The following EYS variants were observed in gnomAD, a reference collection of about 807,000 sequenced individuals.
The protein encoded by EYS is EGF-like photoreceptor maintenance factor.
Under a neutral mutation model 282.1 loss-of-function variants are expected in EYS, and 250 were observed. The ratio of observed to expected loss-of-function variants is 0.89; its 90% CI spans 0.80 to 0.98. The LOEUF (loss-of-function observed/expected upper bound fraction) is 0.98, where lower values mean the gene tolerates loss of function less well. Among genes scored for constraint, EYS ranks in the 50% least tolerant of loss-of-function variants. The probability of loss-of-function intolerance (pLI) is 0.00; values close to 1 mark genes in which losing one functional copy is unlikely to be tolerated. For synonymous variants in EYS, 1,355 were observed against 1,282.9 expected, an observed-to-expected ratio of 1.06 and a Z score of -1.20; for missense variants, 4,016 against 3,709.0, an observed-to-expected ratio of 1.08 and a Z score of -2.15.
intron 12 of EYS, among the ~76,000 whole-genome samples, chr6:65,255,182 T>C (rs1356270795): frequency 6.6e-6 from 1 of 151,774 alleles, no homozygotes; most frequent in Non-Finnish European, 1.5e-5. Flanking sequence ...AAAACAAACA[T>C]AGACCAATGG....
At chr6:65,624,184 T>C (rs1283380282) in intron 2 of EYS, among the ~76,000 whole-genome samples, 4 of 152,222 alleles carry the variant, frequency 2.6e-5, no homozygotes, top group Non-Finnish European at 2.9e-5. Context: ...CTCAAACTTA[T>C]ACAAAAGCAA....
intron 31 of EYS, among the ~76,000 whole-genome samples, chr6:64,183,897 A>G (rs557039895): frequency 6.6e-6 from 1 of 152,046 alleles, no homozygotes; most frequent in East Asian, 1.9e-4. Context: ...ATGAGAAAAC[A>G]CTTCTTTTCT....
At chr6:65,150,504 C>A (rs1180102375) in intron 12 of EYS, among the ~76,000 whole-genome samples, 1 of 151,842 alleles carries the variant, frequency 6.6e-6, no homozygotes, top group Non-Finnish European at 1.5e-5. Flanking sequence ...ATATTAACCC[C>A]AGAATACCAG....
chr6:65,345,577 T>C (rs1227749895), intron 9 of EYS, among the ~76,000 whole-genome samples: 1 of 151,804 alleles, frequency 6.6e-6, no homozygotes, highest in Non-Finnish European at 1.5e-5. Context: ...TATTTAGAAT[T>C]GAAATTTATG....
At chr6:63,763,310 G>A (rs577185674) in intron 40 of EYS, among the ~76,000 whole-genome samples, 5 of 152,130 alleles carry the variant, frequency 3.3e-5, no homozygotes, top group Admixed American at 6.6e-5. Context: ...GATATTGGGA[G>A]GAGCCCAGCA....
intron 12 of EYS, among the ~76,000 whole-genome samples, chr6:65,294,182 G>A (rs1242770427): frequency 3.3e-5 from 5 of 151,680 alleles, no homozygotes; most frequent in African/African-American, 1.2e-4. Context: ...GAGAAAGAGG[G>A]GCATCTACTT....
At chr6:63,896,920 A>G (rs1227200014) in intron 35 of EYS, among the ~76,000 whole-genome samples, 4 of 152,128 alleles carry the variant, frequency 2.6e-5, no homozygotes, top group Admixed American at 2.6e-4. Context: ...ATCTGGATGT[A>G]CCACAGTTTA....
At chr6:65,066,956 A>G (rs1348780701) in intron 12 of EYS, among the ~76,000 whole-genome samples, 1 of 152,178 alleles carries the variant, frequency 6.6e-6, no homozygotes, top group African/African-American at 2.4e-5. Context: ...TCCTGAAACG[A>G]CAGAGGAGAG....
intron 33 of EYS, among the ~76,000 whole-genome samples, chr6:64,016,970 C>T (rs565866053): frequency 2.0e-5 from 3 of 152,126 alleles, no homozygotes; most frequent in Admixed American, 6.5e-5. Context: ...TCCCTTCTTC[C>T]TGTCTCCTTT....
chr6:65,027,022 G>GT (rs74497929), intron 13 of EYS, among the ~76,000 whole-genome samples: 1,808 of 135,550 alleles, frequency 0.013, 12 homozygotes, highest in South Asian at 0.034. Flanking sequence ...TGTAATGTGT[G>GT]TTTTTTTTTT....
rs188116609 is a variant in EYS, at chr6:65,360,310, C to T, written c.1300-6693G>A. On this transcript the variant is annotated intron_variant, in intron 8 of 42. Coordinates refer to ENST00000503581, the MANE Select transcript of EYS (RefSeq NM_001142800.2). The stretch of plus-strand genomic sequence containing the variant: ...CATAAATTAATGTTCAATTTCCACT[C>T]ATAGTCAAAACCTTCTATGGAAAAT... Among the ~76,000 whole-genome samples, 225 of 151,968 alleles carry T rather than the reference C, an allele frequency of 1.5e-3. 1 individual carries two copies. The highest frequency in any genetic ancestry group is 5.2e-3 in the African/African-American group (214 of 41,504).
At chr6:64,377,587 G>C (rs1244099904) in intron 29 of EYS, among the ~76,000 whole-genome samples, 1 of 152,092 alleles carries the variant, frequency 6.6e-6, no homozygotes, top group Non-Finnish European at 1.5e-5. Flanking sequence ...CATTGAGATA[G>C]TAAATGTGAA....
chr6:65,161,307 C>T (rs900857234), intron 12 of EYS, among the ~76,000 whole-genome samples: 7 of 150,992 alleles, frequency 4.6e-5, no homozygotes, highest in African/African-American at 1.7e-4. Context: ...TAAAATTCAG[C>T]TCAAATGTCA....
intron 28 of EYS, among the ~76,000 whole-genome samples, chr6:64,430,796 A>G (rs1360351561): frequency 2.0e-5 from 3 of 152,180 alleles, no homozygotes; most frequent in African/African-American, 7.2e-5. Flanking sequence ...TGCCACTTCT[A>G]GTCCTGCCCC....
intron 14 of EYS, among the ~76,000 whole-genome samples, chr6:64,958,112 A>G (rs934683333): frequency 6.6e-6 from 1 of 152,028 alleles, no homozygotes; most frequent in African/African-American, 2.4e-5. Context: ...TATCACACAT[A>G]AAATATATTT....
At chr6:65,141,649 GTCTA>G (rs66790325) in intron 12 of EYS, among the ~76,000 whole-genome samples, 46,793 of 130,812 alleles carry the variant, frequency 0.36, 8,159 homozygotes, top group South Asian at 0.49. Context: ...CTGTCTGTCT[GTCTA>G]TCTATCTATC....
At chr6:65,172,258 T>G (rs1182083929) in intron 12 of EYS, among the ~76,000 whole-genome samples, 1 of 151,526 alleles carries the variant, frequency 6.6e-6, no homozygotes, top group Non-Finnish European at 1.5e-5. Flanking sequence ...AGAAAATCTT[T>G]GTCTAGCCTT....
chr6:64,398,007 A>G (rs1000622180), intron 28 of EYS, among the ~76,000 whole-genome samples: 21 of 139,224 alleles, frequency 1.5e-4, no homozygotes, highest in African/African-American at 5.3e-4. Context: ...TCACAAATAC[A>G]CAGGTATTTT....
chr6:64,019,574 C>G (rs1464860405), intron 33 of EYS, among the ~76,000 whole-genome samples: 1 of 151,764 alleles, frequency 6.6e-6, no homozygotes, highest in Non-Finnish European at 1.5e-5. Context: ...CCACGCCCAG[C>G]TAATTTTTGC....
Sources: allele counts gnomAD v4.1 joint callset (sites outside exome capture counted in the v4.1 genomes callset), GRCh38; gene constraint gnomAD v4.1.1; transcripts MANE v1.5; gene names NCBI Gene and HGNC (gene_info 2026-07-23, HGNC 2026-07-21).